The following ZBTB20 variants were observed in gnomAD, a reference collection of about 807,000 sequenced individuals.
ZBTB20 encodes the protein zinc finger and BTB domain containing 20, also known as zinc finger and BTB domain-containing protein 20.
ZBTB20 carries 9 observed loss-of-function variants against 56.9 expected under a neutral mutation model. The observed-to-expected ratio is 0.16, with a 90% confidence interval of 0.10 to 0.28. ZBTB20 has a LOEUF of 0.28. Among genes scored for constraint, ZBTB20 ranks in the 10% least tolerant of loss-of-function variants. The pLI, the probability that ZBTB20 is intolerant of heterozygous loss-of-function variation, is 1.00. For synonymous variants in ZBTB20, 417 were observed against 420.7 expected (o/e 0.99, Z 0.11); for missense variants, 655 against 1,003.0 (o/e 0.65, Z 4.69).
intron 7 of ZBTB20, among the ~76,000 whole-genome samples, chr3:114,447,895 C>G (rs892967656): frequency 3.3e-5 from 5 of 152,174 alleles, no homozygotes; most frequent in Admixed American, 6.5e-5. Flanking sequence ...CCCTGAGCCC[C>G]TTTCCTTTGC....
chr3:114,878,895 AC>A (rs1296665570), intron 4 of ZBTB20, among the ~76,000 whole-genome samples: 1 of 152,230 alleles, frequency 6.6e-6, no homozygotes, highest in Non-Finnish European at 1.5e-5. Flanking sequence ...AATATGGTAC[AC>A]AAAAATGCTT....
In ZBTB20 at chr3:114,900,330, C is replaced by T. The variant is rs2075058251; in HGVS notation, c.-443G>A. On this transcript the variant is annotated 5_prime_UTR_variant, in exon 4 of 12. Coordinates refer to ENST00000675478, the MANE Select transcript of ZBTB20 (RefSeq NM_001348800.3). ...TGTGCAGCTATGGGGCACAAACTTGCAATTCATCAATTCTGAAATGTAAAA... is the reference window on the plus strand; with the variant it reads ...TGTGCAGCTATGGGGCACAAACTTGTAATTCATCAATTCTGAAATGTAAAA... The T allele has an allele frequency of 7.1e-6, 1 of 140,784 alleles. No individual in the cohort carries two copies. The highest frequency in any genetic ancestry group is 2.1e-4 in the East Asian group (1 of 4,842). 8.7% of individuals were successfully genotyped at this position (140,784 alleles called of 1,614,324 possible). A position where few individuals can be genotyped will look rare whatever the true frequency, so the allele number is the denominator to read the frequency against.
chr3:114,700,598 A>G (rs1307714066), intron 5 of ZBTB20, among the ~76,000 whole-genome samples: 1 of 152,090 alleles, frequency 6.6e-6, no homozygotes, highest in South Asian at 2.1e-4. Flanking sequence ...TCCATTCTAC[A>G]TTATTGATAT....
intron 5 of ZBTB20, among the ~76,000 whole-genome samples, chr3:114,799,194 A>G (rs372112620): frequency 6.6e-6 from 1 of 151,948 alleles, no homozygotes; most frequent in East Asian, 1.9e-4. Flanking sequence ...TAATATGGCA[A>G]GACGAACTGA....
At chr3:114,768,165 G>A (rs1349281839) in intron 5 of ZBTB20, among the ~76,000 whole-genome samples, 3 of 151,716 alleles carry the variant, frequency 2.0e-5, no homozygotes, top group Non-Finnish European at 4.4e-5. Flanking sequence ...AACAAACCGA[G>A]CAAAAACACA....
chr3:114,544,409 CTTTCTTTCTTTCTTTCTTTCT>C (rs1332219763), intron 6 of ZBTB20, among the ~76,000 whole-genome samples: 1 of 5,124 alleles, frequency 2.0e-4, no homozygotes, highest in Non-Finnish European at 7.6e-4. Flanking sequence ...TAGATTTCTT[CTTTCTTTCTTTCTTTCTTTCT>C]TTCTTTCTTT....
intron 5 of ZBTB20, among the ~76,000 whole-genome samples, chr3:114,758,371 C>T (rs762531955): frequency 1.4e-4 from 21 of 152,078 alleles, no homozygotes; most frequent in Non-Finnish European, 2.2e-4. Flanking sequence ...ACACAATTGA[C>T]AATAAGGACA....
intron 5 of ZBTB20, among the ~76,000 whole-genome samples, chr3:114,748,350 T>TCTCTCTC (rs373583112): frequency 0.028 from 793 of 28,794 alleles, 4 homozygotes; most frequent in East Asian, 0.052. Flanking sequence ...TCTTTCTTTC[T>TCTCTCTC]TTTCTCTCTC....
intron 6 of ZBTB20, among the ~76,000 whole-genome samples, chr3:114,650,960 A>G (rs2060097837): frequency 2.0e-5 from 3 of 152,160 alleles, no homozygotes; most frequent in Middle Eastern, 6.8e-3. Context: ...TAAAAATACA[A>G]CTTGTTAAAA....
At chr3:114,598,896 C>T (rs531657790) in intron 6 of ZBTB20, among the ~76,000 whole-genome samples, 11 of 152,018 alleles carry the variant, frequency 7.2e-5, no homozygotes, top group South Asian at 2.1e-4. Flanking sequence ...ATTTTTGCTG[C>T]GTTGTGTCCA....
chr3:114,922,247 A>G (rs538839428), intron 3 of ZBTB20, among the ~76,000 whole-genome samples: 2 of 152,324 alleles, frequency 1.3e-5, no homozygotes, highest in East Asian at 3.9e-4. Context: ...AAAAGCTGAA[A>G]GCATTTCCTC....
chr3:114,340,455 C>T (rs999499069), intron 11 of ZBTB20, among the ~76,000 whole-genome samples: 4 of 152,116 alleles, frequency 2.6e-5, no homozygotes, highest in African/African-American at 7.2e-5. Context: ...AGCCTGTTGG[C>T]GGAAACCCTT....
At chr3:114,402,038 C>T (rs925942972) in intron 7 of ZBTB20, among the ~76,000 whole-genome samples, 3 of 152,064 alleles carry the variant, frequency 2.0e-5, no homozygotes, top group East Asian at 1.9e-4. Flanking sequence ...GGAAGGACTT[C>T]GCAGAAAATT....
At chr3:115,140,886 A>C (rs1289189530) in intron 1 of ZBTB20, among the ~76,000 whole-genome samples, 1 of 152,102 alleles carries the variant, frequency 6.6e-6, no homozygotes, top group African/African-American at 2.4e-5. Context: ...ATTTTTCTTA[A>C]AGTGCATATC....
intron 6 of ZBTB20, among the ~76,000 whole-genome samples, chr3:114,508,745 T>C (rs928229306): frequency 6.6e-6 from 1 of 152,256 alleles, no homozygotes; most frequent in Admixed American, 6.5e-5. Flanking sequence ...TGTAGTTTTA[T>C]TTTGCAACCC....
intron 7 of ZBTB20, among the ~76,000 whole-genome samples, chr3:114,481,626 G>C (rs1034497582): frequency 6.6e-6 from 1 of 152,178 alleles, no homozygotes; most frequent in Non-Finnish European, 1.5e-5. Flanking sequence ...CAGTCCCAAT[G>C]CATCCTTTAA....
chr3:114,338,961 G>T lies in ZBTB20; in HGVS notation c.*44C>A. The T allele has an allele frequency of 6.9e-7, 1 of 1,454,474 alleles. No homozygotes were observed. Among genetic ancestry groups the T allele is most frequent in the Non-Finnish European group, 9.1e-7 (1 of 1,097,394 alleles). The allele number at this position is 1,454,474 out of a possible 1,614,324, so 90.1% of individuals were successfully genotyped here. On this transcript the variant is annotated 3_prime_UTR_variant, in exon 12 of 12. Transcript: ENST00000675478. ...TAGCTTTTTTGTTTGTTTGTTTTTT[G>T]TTGTTGTTTTGTTTTGTTCATAAGA...
chr3:114,549,964 G>A (rs935718666), intron 6 of ZBTB20, among the ~76,000 whole-genome samples: 16 of 151,838 alleles, frequency 1.1e-4, no homozygotes, highest in African/African-American at 2.9e-4. Flanking sequence ...TTGAGATGGA[G>A]CCTTGCTCTG....
At chr3:114,778,978 G>C (rs922899265) in intron 5 of ZBTB20, among the ~76,000 whole-genome samples, 1 of 152,124 alleles carries the variant, frequency 6.6e-6, no homozygotes, top group Admixed American at 6.5e-5. Context: ...AATTCTAATA[G>C]TTATCCCTAT....
Sources: allele counts gnomAD v4.1 joint callset (sites outside exome capture counted in the v4.1 genomes callset), GRCh38; gene constraint gnomAD v4.1.1; transcripts MANE v1.5; gene names NCBI Gene and HGNC (gene_info 2026-07-23, HGNC 2026-07-21).